The following MIB2 variants were observed in gnomAD, a reference collection of about 807,000 sequenced individuals.
MIB2 encodes the protein MIB E3 ubiquitin protein ligase 2.
Under a neutral mutation model 96.6 loss-of-function variants are expected in MIB2, and 78 were observed. The ratio of observed to expected loss-of-function variants is 0.81; its 90% confidence interval spans 0.67 to 0.97. MIB2 has a LOEUF of 0.97. MIB2 is among the 50% of genes least tolerant of loss of function. The pLI, the probability that MIB2 is intolerant of heterozygous loss-of-function variation, is 0.00. For synonymous variants in MIB2, 820 were observed against 629.5 expected (o/e 1.30, Z -4.53); for missense variants, 1,543 against 1,424.0 (o/e 1.08, Z -1.35).
chr1:1,620,169 C>T (rs909835873), intron 2 of MIB2, among the ~76,000 whole-genome samples: 1 of 152,258 alleles, frequency 6.6e-6, no homozygotes, highest in African/African-American at 2.4e-5. Context: ...TGGAAAGGTC[C>T]AATGGCATAT....
At chr1:1,616,928 A>C (rs1374275994) in intron 2 of MIB2, 2 of 314,730 alleles carry the variant, frequency 6.4e-6, no homozygotes, top group Non-Finnish European at 1.2e-5. Flanking sequence ...CCTCACATGC[A>C]ACAAGTGTCT....
Position 1,630,289 on chromosome 1 carries a change from C to A in MIB2, c.2630-3C>A. ...CAGCTCACACCCGTCCCCCACCCCG[C>A]AGACGGCTCTGAGGTGGCGAGCGCC... On this transcript the variant is annotated splice_region_variant and splice_polypyrimidine_tract_variant and intron_variant, in intron 19 of 19. Coordinates refer to ENST00000355826, the MANE Select transcript of MIB2 (RefSeq NM_001170687.4). 1 of 1,491,450 alleles carries A rather than the reference C, an allele frequency of 6.7e-7. No homozygotes were observed. Among genetic ancestry groups the A allele is most frequent in the Non-Finnish European group, 8.9e-7 (1 of 1,124,878 alleles). 92.4% of individuals were successfully genotyped at this position (1,491,450 alleles called of 1,614,324 possible).
At chr1:1,622,736 C>T (rs963012375) in intron 2 of MIB2, among the ~76,000 whole-genome samples, 2 of 152,196 alleles carry the variant, frequency 1.3e-5, no homozygotes, top group Admixed American at 1.3e-4. Flanking sequence ...CTTGCGTGGC[C>T]AGGGCCACTT....
intron 1 of MIB2, chr1:1,616,285 CCG>C: frequency 2.5e-6 from 1 of 405,746 alleles, no homozygotes; most frequent in Admixed American, 5.4e-5. Flanking sequence ...CGTCTGCGAG[CCG>C]CGGCCGCCAG....
rs555590828 is a variant in MIB2 at position 1,630,585 on chromosome 1, A to C, written c.*55A>C. ...TTCGCGTGCCCCCGCCCTGTGTTTT[A>C]TAAAAAGAAAGATTCTCGGACGTTG... On this transcript the variant is annotated 3_prime_UTR_variant, in exon 20 of 20. Transcript: ENST00000355826. The C allele has an allele frequency of 1.3e-5, 18 of 1,365,946 alleles. No homozygotes were observed. Among genetic ancestry groups the C allele is most frequent in the Admixed American group, 5.2e-5 (2 of 38,658 alleles). The allele number at this position is 1,365,946 out of a possible 1,614,324, so 84.6% of individuals were successfully genotyped here.
At chr1:1,616,920 T>C in intron 2 of MIB2, 1 of 327,804 alleles carries the variant, frequency 3.1e-6, no homozygotes, top group Non-Finnish European at 5.7e-6. Flanking sequence ...GCCTGTTGCC[T>C]CACATGCAAC....
Position 1,626,684 on chromosome 1 carries a change from T to A in MIB2, c.1007T>A (p.Val336Asp). Reference sequence around the variant, plus strand: ...TTCTGGGTGGGCGACGTGGTCCGGGTCATCGGCGACCTTGACACAGTGAAG... The same window carrying A: ...TTCTGGGTGGGCGACGTGGTCCGGGACATCGGCGACCTTGACACAGTGAAG... ...HSFWVGDVVR[V>D]IGDLDTVKRL... Residue 336 changes from valine (V) to aspartate (D), a missense_variant, in exon 9 of 20, where the codon GTC becomes GAC. Transcript: ENST00000355826. The surrounding 1 kb of genome is among the most constrained non-coding windows in gnomAD (Gnocchi z 5.3). The A allele has an allele frequency of 1.9e-6, 3 of 1,572,624 alleles. No individual in the cohort carries two copies. Among genetic ancestry groups the A allele is most frequent in the South Asian group, 2.3e-5 (2 of 86,380 alleles).
At chr1:1,630,038 C>T (rs1490507424) in intron 19 of MIB2, among the ~76,000 whole-genome samples, 2 of 148,964 alleles carry the variant, frequency 1.3e-5, no homozygotes, top group African/African-American at 5.0e-5. Flanking sequence ...CCATCACACC[C>T]CGGCCCAGCT....
chr1:1,615,512 CCA>C lies in MIB2; in HGVS notation c.-248_-247del, dbSNP rs1357015504. 21 of 1,529,942 alleles carry C rather than the reference CCA, an allele frequency of 1.4e-5. No homozygotes were observed. The highest frequency in any genetic ancestry group is 2.4e-5 in the South Asian group (2 of 83,068). The allele number at this position is 1,529,942 out of a possible 1,614,324, so 94.8% of individuals were successfully genotyped here. On this transcript the variant is annotated 5_prime_UTR_variant, in exon 1 of 20. Transcript: ENST00000355826. ...GCCCTGGGCTCCCGCCCTTCGGGTC[CCA>C]CAGTTTCCAGCCGCCGCTCTCCTCA...
rs771349463 is a variant in MIB2 at position 1,628,300 on chromosome 1, G to A, written c.1869G>A (p.Ala623=). ...ALAVRKILAR[A]RQLVDAKKED... is the part of the protein sequence containing the mutation. ...CTGTGAGAAAGATTCTGGCTCGGGCGCGGCAGCTGGTGGACGCCAAGAAGG... is the reference window on the plus strand; with the variant it reads ...CTGTGAGAAAGATTCTGGCTCGGGCACGGCAGCTGGTGGACGCCAAGAAGG... The change falls in exon 15 of 20, where the codon GCG becomes GCA. Residue 623 remains alanine, a synonymous_variant. Transcript: ENST00000355826. The A allele has an allele frequency of 8.7e-6, 14 of 1,612,842 alleles. No individual in the cohort carries two copies. The highest frequency in any genetic ancestry group is 4.5e-5 in the East Asian group (2 of 44,892).
chr1:1,621,903 A>G (rs1644292921), intron 2 of MIB2, among the ~76,000 whole-genome samples: 1 of 152,172 alleles, frequency 6.6e-6, no homozygotes, highest in East Asian at 1.9e-4. Flanking sequence ...TCGGGGGACA[A>G]CCTGTGGGGC....
chr1:1,621,814 G>A (rs116871069), intron 2 of MIB2, among the ~76,000 whole-genome samples: 5 of 152,286 alleles, frequency 3.3e-5, no homozygotes, highest in East Asian at 1.9e-4. Flanking sequence ...GGCACGGATC[G>A]GGAGCCCAGC....
rs1557629188 is a variant in MIB2 at position 1,629,846 on chromosome 1, C to CCCCAG, written c.2629+145_2629+146insAGCCC. 5.7e-6 allele frequency: 5 copies of CCCCAG among 880,436 alleles called. No individual in the cohort carries two copies. In the African/African-American group the frequency reaches 9.9e-5, roughly 17 times the overall value. 54.5% of individuals were successfully genotyped at this position (880,436 alleles called of 1,614,324 possible). ...CCGCCCTCCCAAGGCTCACACCCGG[C>CCCCAG]CCCCCAGCCCCCAGCCCCCAGCCCC... is the stretch of plus-strand genomic sequence containing the variant. On this transcript the variant is annotated intron_variant, in intron 19 of 19. Transcript: ENST00000355826.
chr1:1,625,914 C>G lies in MIB2; in HGVS notation c.972+261C>G. ...AGGGCCTCCCTCTGTTCCAGGACAC[C>G]AGGAAGGCAGGACAGCTTCGTGGGC... On this transcript the variant is annotated intron_variant, in intron 8 of 19. Transcript: ENST00000355826. This position sits in a 1 kb window ranked among gnomAD's most constrained non-coding sequence, Gnocchi z 5.0. 1.8e-6 allele frequency: 1 copy of G among 542,422 alleles called. No individual in the cohort carries two copies. Among genetic ancestry groups the G allele is most frequent in the Non-Finnish European group, 3.3e-6 (1 of 302,784 alleles). The allele number at this position is 542,422 out of a possible 1,614,324, so 33.6% of individuals were successfully genotyped here.
intron 1 of MIB2, 106 bp downstream of exon 1, chr1:1,615,739 C>T: frequency 1.4e-6 from 2 of 1,480,460 alleles, no homozygotes; most frequent in Non-Finnish European, 1.8e-6. Flanking sequence ...CCCGCTGGCC[C>T]AGCAGCCCCG....
At chr1:1,620,623 G>T (rs1169370512) in intron 2 of MIB2, among the ~76,000 whole-genome samples, 2 of 152,276 alleles carry the variant, frequency 1.3e-5, no homozygotes, top group Non-Finnish European at 2.9e-5. Flanking sequence ...GCAGACTGCT[G>T]CGTCGGCCTC....
intron 2 of MIB2, among the ~76,000 whole-genome samples, chr1:1,620,476 A>G (rs1183788710): frequency 1.3e-5 from 2 of 152,152 alleles, no homozygotes; most frequent in Non-Finnish European, 2.9e-5. Context: ...GCTTAGTGTG[A>G]TTCCAGCTGT....
rs80009784 is a variant in MIB2 at position 1,623,024 on chromosome 1, C to T, written c.-22-407C>T. 2,663 of 311,428 alleles carry T rather than the reference C, an allele frequency of 8.6e-3. 63 individuals carry two copies. Among genetic ancestry groups the T allele is most frequent in the African/African-American group, 0.052 (2,359 of 45,494 alleles). The allele number at this position is 311,428 out of a possible 1,614,324, so 19.3% of individuals were successfully genotyped here. On this transcript the variant is annotated intron_variant, in intron 2 of 19. Transcript: ENST00000355826. ...CGGTGTCTGCTCACTTGCCACTGCC[C>T]GTCCAACCATGTGAGTGTCTCGGGG...
In MIB2 at chr1:1,625,744, G is replaced by C; in HGVS notation, c.972+91G>C. On this transcript the variant is annotated intron_variant, in intron 8 of 19. Transcript: ENST00000355826. This position sits in a 1 kb window ranked among gnomAD's most constrained non-coding sequence, Gnocchi z 5.0. Reference sequence around the variant, plus strand: ...GCCTTGGGGGGTCAGGCAGGACTAGGGTGCCAGCTGCACCCACGAGTCCCC... The same window carrying C: ...GCCTTGGGGGGTCAGGCAGGACTAGCGTGCCAGCTGCACCCACGAGTCCCC... 7 of 1,066,388 alleles carry C rather than the reference G, an allele frequency of 6.6e-6. No individual in the cohort carries two copies. Among genetic ancestry groups the C allele is most frequent in the Non-Finnish European group, 8.3e-6 (6 of 724,228 alleles). 66.1% of individuals were successfully genotyped at this position (1,066,388 alleles called of 1,614,324 possible).
Sources: allele counts gnomAD v4.1 joint callset (sites outside exome capture counted in the v4.1 genomes callset), GRCh38; gene constraint gnomAD v4.1.1; non-coding constraint Gnocchi (gnomAD v3.1); transcripts MANE v1.5; gene names NCBI Gene and HGNC (gene_info 2026-07-23, HGNC 2026-07-21).